ELAPOR2: variants seen among roughly 807,000 people sequenced by gnomAD.
ELAPOR2 encodes endosome-lysosome associated apoptosis and autophagy regulator family member 2.
Under a neutral mutation model 120.7 loss-of-function variants are expected in ELAPOR2, and 89 were observed. The observed-to-expected ratio is 0.74, with a 90% confidence interval of 0.62 to 0.88. The LOEUF (loss-of-function observed/expected upper bound fraction) is 0.88. Ranked by LOEUF, ELAPOR2 falls within the 40% of genes least tolerant of loss-of-function variation. The probability of loss-of-function intolerance (pLI) is 0.00; values close to 1 mark genes in which losing one functional copy is unlikely to be tolerated. For synonymous variants in ELAPOR2, 444 were observed against 444.9 expected (o/e 1.00, Z 0.03); for missense variants, 1,134 against 1,251.6 (o/e 0.91, Z 1.42).
chr7:86,953,245 C>T (rs1461929615), intron 2 of ELAPOR2, among the ~76,000 whole-genome samples: 1 of 152,120 alleles, frequency 6.6e-6, no homozygotes, highest in Non-Finnish European at 1.5e-5. Context: ...TTTAATAATA[C>T]AGAGGAGCTA....
At chr7:87,005,378 G>T (rs545737307) in intron 1 of ELAPOR2, among the ~76,000 whole-genome samples, 5 of 152,052 alleles carry the variant, frequency 3.3e-5, no homozygotes, top group African/African-American at 1.2e-4. Flanking sequence ...ATTGGCAAAA[G>T]GACAATGTTG....
Position 86,914,148 on chromosome 7 carries a change from T to G in ELAPOR2, c.1731+575A>C, listed in dbSNP as rs188444763. Among the ~76,000 whole-genome samples, 965 of 152,226 alleles carry G rather than the reference T, an allele frequency of 6.3e-3. 12 individuals carry two copies. Among genetic ancestry groups the G allele is most frequent in the African/African-American group, 0.022 (907 of 41,534 alleles). On this transcript the variant is annotated intron_variant, in intron 13 of 21. Transcript: ENST00000450689. Reference sequence around the variant, plus strand: ...CTTGGGAAGGTTACATCTATAGAGATCCACAAAATAAGTCCTGCTACTATT... The same window carrying G: ...CTTGGGAAGGTTACATCTATAGAGAGCCACAAAATAAGTCCTGCTACTATT...
intron 1 of ELAPOR2, among the ~76,000 whole-genome samples, chr7:86,984,201 T>TA (rs1295719366): frequency 6.6e-6 from 1 of 151,636 alleles, no homozygotes; most frequent in African/African-American, 2.4e-5. Flanking sequence ...CTTAGAAACT[T>TA]AAAAAAAAGA....
At chr7:86,927,142 G>A (rs9640574) in intron 8 of ELAPOR2, among the ~76,000 whole-genome samples, 32,825 of 151,578 alleles carry the variant, frequency 0.22, 5,779 homozygotes, top group African/African-American at 0.5. Context: ...GCCTTCCCTC[G>A]TACACAGCAT....
At chr7:87,002,984 C>T (rs1793365494) in intron 1 of ELAPOR2, among the ~76,000 whole-genome samples, 2 of 152,032 alleles carry the variant, frequency 1.3e-5, no homozygotes, top group Admixed American at 6.6e-5. Flanking sequence ...GAATGGCGCT[C>T]CTAAGAGGAG....
chr7:86,950,496 C>T (rs980426588), intron 2 of ELAPOR2, among the ~76,000 whole-genome samples: 3 of 152,102 alleles, frequency 2.0e-5, no homozygotes, highest in East Asian at 3.9e-4. Context: ...GCTCTGTCTC[C>T]AAGCTTCTGG....
intron 2 of ELAPOR2, among the ~76,000 whole-genome samples, chr7:86,958,661 T>C (rs906814027): frequency 3.3e-5 from 5 of 152,192 alleles, no homozygotes; most frequent in African/African-American, 1.2e-4. Context: ...GGCACCTTCA[T>C]CCTGTTTCCT....
Position 86,944,904 on chromosome 7 carries a change from A to T in ELAPOR2, c.649T>A (p.Phe217Ile). 1 of 1,542,522 alleles carries T rather than the reference A, an allele frequency of 6.5e-7. No homozygotes were observed. The highest frequency in any genetic ancestry group is 8.7e-7 in the Non-Finnish European group (1 of 1,144,712). The change falls in exon 4 of 22, where the codon TTC becomes ATC. Residue 217 changes from phenylalanine to isoleucine, a missense_variant. By Grantham distance (21) the Phe-to-Ile change is conservative. Coordinates refer to ENST00000450689, the MANE Select transcript of ELAPOR2 (RefSeq NM_001142749.3). ...QYVDNNIFFE[F>I]FIQNDQCQEM... ...CAGAATACAAAAGGTCTTACAAAGA[A>T]CTCAAAGAAGATGTTGTTGTCGACA...
intron 1 of ELAPOR2, among the ~76,000 whole-genome samples, chr7:86,993,246 A>AAAAAAAAAAAAAAAAAG (rs796528835): frequency 2.8e-5 from 4 of 144,030 alleles, no homozygotes; most frequent in African/African-American, 7.8e-5. Context: ...AAAAAAAAAA[A>AAAAAAAAAAAAAAAAAG]AAAAGAAAAA....
chr7:86,905,346 A>G (rs925864664), intron 18 of ELAPOR2, among the ~76,000 whole-genome samples: 1 of 151,888 alleles, frequency 6.6e-6, no homozygotes, highest in Non-Finnish European at 1.5e-5. Flanking sequence ...ACAAACAAAC[A>G]AAAAAACCTA....
At chr7:86,949,651 C>G (rs1016600802) in intron 2 of ELAPOR2, among the ~76,000 whole-genome samples, 39 of 152,198 alleles carry the variant, frequency 2.6e-4, no homozygotes, top group African/African-American at 8.9e-4. Context: ...CGTCTGCTCC[C>G]CCTGCCTGGC....
chr7:87,026,622 T>C (rs1198025714), intron 1 of ELAPOR2, among the ~76,000 whole-genome samples: 2 of 152,066 alleles, frequency 1.3e-5, no homozygotes, highest in African/African-American at 2.4e-5. Context: ...GATCTTGTAT[T>C]CTGCCGTAAG....
intron 1 of ELAPOR2, among the ~76,000 whole-genome samples, chr7:86,986,371 G>A (rs1313000422): frequency 8.9e-6 from 1 of 112,636 alleles, no homozygotes; most frequent in Non-Finnish European, 1.8e-5. Flanking sequence ...GGAGCTTGCA[G>A]TGAGCCGAGA....
At chr7:86,966,063 G>T in intron 1 of ELAPOR2, 1 of 570,200 alleles carries the variant, frequency 1.8e-6, no homozygotes, top group African/African-American at 2.0e-5. Context: ...CTGGGTTCCC[G>T]TTTATTTAAC....
At position 87,026,793 on chromosome 7, in the gene ELAPOR2, G is replaced by A. The variant is rs139349437; in HGVS notation, c.189+32532C>T. Among the ~76,000 whole-genome samples, 410 of 151,634 alleles carry A rather than the reference G, an allele frequency of 2.7e-3. 1 individual carries two copies. The highest frequency in any genetic ancestry group is 9.6e-3 in the African/African-American group (395 of 41,358). ...TCTAAATAAAATCCATAATAAATAC[G>A]ATCTGTATTTTACAGTCTCCAAATA... On this transcript the variant is annotated intron_variant, in intron 1 of 21. Coordinates refer to ENST00000450689, the MANE Select transcript of ELAPOR2 (RefSeq NM_001142749.3).
intron 11 of ELAPOR2, 98 bp downstream of exon 11, chr7:86,919,122 A>C: frequency 1.4e-6 from 1 of 739,012 alleles, no homozygotes; most frequent in South Asian, 1.9e-5. Context: ...TATTTTTGTA[A>C]TATTAATATG....
At chr7:86,924,084 T>C (rs531289794) in intron 10 of ELAPOR2, among the ~76,000 whole-genome samples, 9 of 152,154 alleles carry the variant, frequency 5.9e-5, no homozygotes, top group African/African-American at 2.2e-4. Flanking sequence ...TGAGTGCTGC[T>C]CCTCACAAGG....
chr7:86,938,707 C>T, intron 7 of ELAPOR2, 101 bp downstream of exon 7: 1 of 1,216,358 alleles, frequency 8.2e-7, no homozygotes, highest in Non-Finnish European at 1.2e-6. Flanking sequence ...TGGTTTCAGG[C>T]ACCACTGCTG....
chr7:86,915,222 T>A (rs1294123103), intron 12 of ELAPOR2, among the ~76,000 whole-genome samples: 1 of 152,106 alleles, frequency 6.6e-6, no homozygotes, highest in Non-Finnish European at 1.5e-5. Context: ...CTTCTTACAA[T>A]AAACTTCTAA....
Sources: allele counts gnomAD v4.1 joint callset (sites outside exome capture counted in the v4.1 genomes callset), GRCh38; gene constraint gnomAD v4.1.1; transcripts MANE v1.5; gene names NCBI Gene and HGNC (gene_info 2026-07-23, HGNC 2026-07-21).